The following PDE4D variants were observed in gnomAD, a reference collection of about 807,000 sequenced individuals.
The protein encoded by PDE4D is 3',5'-cyclic-AMP phosphodiesterase 4D.
Under a neutral mutation model 87.4 loss-of-function variants are expected in PDE4D, and 24 were observed. The observed-to-expected ratio is 0.27, with a 90% CI of 0.20 to 0.39. The LOEUF (loss-of-function observed/expected upper bound fraction) is 0.39, where lower values mean the gene tolerates loss of function less well. Among genes scored for constraint, PDE4D ranks in the 10% least tolerant of loss-of-function variants. The pLI is 1.00. For synonymous variants in PDE4D, 384 were observed against 383.2 expected (o/e 1.00, Z -0.02); for missense variants, 714 against 1,041.0 (o/e 0.69, Z 4.32).
At chr5:59,779,864 A>C (rs1375051245) in intron 1 of PDE4D, among the ~76,000 whole-genome samples, 1 of 152,236 alleles carries the variant, frequency 6.6e-6, no homozygotes, top group East Asian at 1.9e-4. Flanking sequence ...TTAACTGATA[A>C]GATATCAGCA....
chr5:60,367,539 C>T (rs1490842695), intron 1 of PDE4D, among the ~76,000 whole-genome samples: 1 of 151,502 alleles, frequency 6.6e-6, no homozygotes, highest in African/African-American at 2.4e-5. Flanking sequence ...CAAACTAGGT[C>T]ATCTTTCCTA....
chr5:59,647,678 A>G (rs1332103164), intron 1 of PDE4D, among the ~76,000 whole-genome samples: 1 of 152,162 alleles, frequency 6.6e-6, no homozygotes, highest in Non-Finnish European at 1.5e-5. Flanking sequence ...TGATACTTCC[A>G]ACTGTGAAAA....
chr5:59,352,059 T>C (rs1780613237), intron 1 of PDE4D, among the ~76,000 whole-genome samples: 1 of 152,138 alleles, frequency 6.6e-6, no homozygotes, highest in African/African-American at 2.4e-5. Flanking sequence ...TTTCCTCATT[T>C]GTAAGATAAA....
intron 2 of PDE4D, among the ~76,000 whole-genome samples, chr5:60,107,549 C>A (rs1426121714): frequency 1.3e-5 from 2 of 152,074 alleles, no homozygotes; most frequent in African/African-American, 4.8e-5. Context: ...GGCAGAGACA[C>A]AACCAAAAAA....
chr5:59,717,169 TC>T (rs1316489840), intron 1 of PDE4D, among the ~76,000 whole-genome samples: 7 of 152,190 alleles, frequency 4.6e-5, no homozygotes, highest in African/African-American at 1.7e-4. Flanking sequence ...CATTAATTGA[TC>T]CCAGGAGATT....
chr5:59,028,659 G>T (rs2153382579), intron 6 of PDE4D, among the ~76,000 whole-genome samples: 2 of 151,968 alleles, frequency 1.3e-5, no homozygotes, highest in South Asian at 4.2e-4. Flanking sequence ...TAAATCCACG[G>T]ACCATTCTGC....
chr5:59,849,631 GT>G (rs1160582037), intron 1 of PDE4D, among the ~76,000 whole-genome samples: 31 of 145,908 alleles, frequency 2.1e-4, no homozygotes, highest in East Asian at 1.4e-3. Context: ...CCATCAGTGA[GT>G]TTTTTTTTTT....
chr5:59,203,317 T>C (rs982423735), intron 2 of PDE4D, among the ~76,000 whole-genome samples: 2 of 152,040 alleles, frequency 1.3e-5, no homozygotes, highest in African/African-American at 4.8e-5. Flanking sequence ...AATAGTTTTT[T>C]TTTAATCAAA....
intron 1 of PDE4D, among the ~76,000 whole-genome samples, chr5:59,795,209 A>C (rs555596005): frequency 1.3e-5 from 2 of 152,328 alleles, no homozygotes; most frequent in South Asian, 4.1e-4. Flanking sequence ...TCACCATTTA[A>C]TAGTTAGCTC....
At chr5:59,092,255 T>C (rs1768881488) in intron 5 of PDE4D, among the ~76,000 whole-genome samples, 1 of 152,214 alleles carries the variant, frequency 6.6e-6, no homozygotes, top group Non-Finnish European at 1.5e-5. Flanking sequence ...ATGTTTGCTG[T>C]TGTATACACA....
chr5:59,078,952 C>T (rs985775166), intron 5 of PDE4D, among the ~76,000 whole-genome samples: 1 of 152,150 alleles, frequency 6.6e-6, no homozygotes, highest in Non-Finnish European at 1.5e-5. Flanking sequence ...CCCAATCTGT[C>T]TATCTCTCTC....
chr5:60,126,397 C>T (rs1779126608), intron 2 of PDE4D, among the ~76,000 whole-genome samples: 2 of 152,052 alleles, frequency 1.3e-5, no homozygotes, highest in South Asian at 2.1e-4. Flanking sequence ...CTGAAGATTA[C>T]ATAGAAATTT....
chr5:59,778,087 G>A (rs1764255642), intron 1 of PDE4D, among the ~76,000 whole-genome samples: 2 of 152,204 alleles, frequency 1.3e-5, no homozygotes, highest in Admixed American at 6.5e-5. Flanking sequence ...GACACACCAT[G>A]TGCTAGGTTC....
intron 3 of PDE4D, among the ~76,000 whole-genome samples, chr5:59,974,738 A>C (rs1403733268): frequency 6.6e-6 from 1 of 152,208 alleles, no homozygotes; most frequent in Non-Finnish European, 1.5e-5. Context: ...CACCTGATAC[A>C]GAGCTTCTTC....
chr5:60,404,551 C>G (rs1464672797), intron 1 of PDE4D, among the ~76,000 whole-genome samples: 2 of 152,190 alleles, frequency 1.3e-5, no homozygotes, highest in Non-Finnish European at 2.9e-5. Context: ...CAAGTAGCTA[C>G]TAGCCACATG....
chr5:60,034,926 G>A (rs1767622736), intron 2 of PDE4D, among the ~76,000 whole-genome samples: 1 of 152,128 alleles, frequency 6.6e-6, no homozygotes, highest in African/African-American at 2.4e-5. Flanking sequence ...CTGTATGAGA[G>A]AGATCCACAT....
chr5:59,170,331 T>G (rs1782562691), intron 5 of PDE4D, among the ~76,000 whole-genome samples: 1 of 152,206 alleles, frequency 6.6e-6, no homozygotes, highest in South Asian at 2.1e-4. Flanking sequence ...GGGTAGTTTT[T>G]CTGATCATCT....
intron 3 of PDE4D, among the ~76,000 whole-genome samples, chr5:59,976,528 G>T (rs1761354920): frequency 6.6e-6 from 1 of 152,070 alleles, no homozygotes; most frequent in South Asian, 2.1e-4. Flanking sequence ...ATGAATAAAA[G>T]CTTCCTGAAG....
At chr5:59,268,220 G>A (rs888911693) in intron 1 of PDE4D, among the ~76,000 whole-genome samples, 2 of 152,050 alleles carry the variant, frequency 1.3e-5, no homozygotes, top group Non-Finnish European at 2.9e-5. Flanking sequence ...TCATTAGGGA[G>A]CCAATCCCCT....
Sources: gnomAD v4.1 joint callset for allele counts (sites outside exome capture counted in the v4.1 genomes callset) on GRCh38, gnomAD v4.1.1 for gene constraint, MANE v1.5 for transcripts, NCBI Gene and HGNC (gene_info 2026-07-23, HGNC 2026-07-21) for gene names.